The following BEGAIN variants were observed in gnomAD, a reference collection of about 807,000 sequenced individuals.
The protein encoded by BEGAIN is brain enriched guanylate kinase associated, also known as brain-enriched guanylate kinase-associated protein.
Under a neutral mutation model 35.8 loss-of-function variants are expected in BEGAIN, and 19 were observed. The observed-to-expected ratio is 0.53, with a 90% CI of 0.37 to 0.78. BEGAIN has a LOEUF of 0.78. Among genes scored for constraint, BEGAIN ranks in the 30% least tolerant of loss-of-function variants. The pLI is 0.00. For missense variants in BEGAIN, 795 were observed against 853.6 expected (o/e 0.93, Z 0.85); for synonymous variants, 462 against 388.6 (o/e 1.19, Z -2.22).
At position 100,543,905 on chromosome 14, in the gene BEGAIN, G is replaced by A. The variant is rs750631815; in HGVS notation, c.361C>T (p.His121Tyr). ...ATGGTCACCTTGGCTTCTAGCAGATGGCTGTTGAGGGCAACAATCTCGTGG... is the reference window on the plus strand; with the variant it reads ...ATGGTCACCTTGGCTTCTAGCAGATAGCTGTTGAGGGCAACAATCTCGTGG... ...LSHEIVALNS[H>Y]LLEAKVTIDK... The change falls in exon 5 of 7, where the codon CAT (histidine) becomes TAT (tyrosine). Residue 121 changes from histidine (H) to tyrosine (Y), a missense_variant. Physicochemically the swap from His to Tyr is moderately conservative, Grantham distance 83. Around this residue, in one of 3 missense-constraint regions of BEGAIN, gnomAD observed 73 missense variants for 143.2 expected, o/e 0.51. Coordinates refer to ENST00000554140, the MANE Select transcript of BEGAIN (RefSeq NM_001385089.1). 4 of 1,613,672 alleles carry A rather than the reference G, an allele frequency of 2.5e-6. No individual in the cohort carries two copies. Among genetic ancestry groups the A allele is most frequent in the Non-Finnish European group, 3.4e-6 (4 of 1,179,894 alleles).
intron 2 of BEGAIN, among the ~76,000 whole-genome samples, chr14:100,555,193 G>A (rs1381307027): frequency 1.3e-5 from 2 of 152,240 alleles, no homozygotes; most frequent in Non-Finnish European, 2.9e-5. Flanking sequence ...CCCCCCGCCA[G>A]GGCCGTCTGG....
At chr14:100,547,735 G>A (rs1211481803) in intron 2 of BEGAIN, 3 of 152,354 alleles carry the variant, frequency 2.0e-5, no homozygotes, top group Non-Finnish European at 4.4e-5. Context: ...TGTCATGAAG[G>A]AAACTTGAGG....
At chr14:100,549,123 TC>T (rs2032905091) in intron 2 of BEGAIN, 1 of 152,226 alleles carries the variant, frequency 6.6e-6, no homozygotes, top group Non-Finnish European at 1.5e-5. Context: ...GCCACGTCTT[TC>T]CCCACCTCTG....
In BEGAIN at chr14:100,553,689, GT is replaced by G. The variant is rs572301559; in HGVS notation, c.72-7028del. Reference sequence around the variant, plus strand: ...GCTCAGATGCCACCTCTTCCAGGAAGTCTTTCTCGGTTCCCCCTGCTGAAGG... The same window carrying G: ...GCTCAGATGCCACCTCTTCCAGGAAGCTTTCTCGGTTCCCCCTGCTGAAGG... On this transcript the variant is annotated intron_variant, in intron 2 of 6. Coordinates refer to ENST00000554140, the MANE Select transcript of BEGAIN (RefSeq NM_001385089.1). Among the ~76,000 whole-genome samples, 44 of 152,248 alleles carry G rather than the reference GT, an allele frequency of 2.9e-4. No individual in the cohort carries two copies. The East Asian group carries it at 4.6e-3, about 16-fold the overall frequency.
chr14:100,551,168 C>T (rs2033156506), intron 2 of BEGAIN, among the ~76,000 whole-genome samples: 1 of 152,216 alleles, frequency 6.6e-6, no homozygotes, highest in African/African-American at 2.4e-5. Context: ...CCCCTGCTCC[C>T]CTGCCCCTGC....
chr14:100,556,599 G>A (rs998258283), intron 2 of BEGAIN, among the ~76,000 whole-genome samples: 3 of 152,216 alleles, frequency 2.0e-5, no homozygotes, highest in Non-Finnish European at 4.4e-5. Context: ...CCCTGGGTCA[G>A]GAGCCCTCTT....
At chr14:100,566,441 C>A (rs1394664377) in intron 2 of BEGAIN, among the ~76,000 whole-genome samples, 1 of 152,226 alleles carries the variant, frequency 6.6e-6, no homozygotes, top group East Asian at 1.9e-4. Flanking sequence ...CAGGGAACCC[C>A]CAGGCTGGCC....
At chr14:100,580,318 A>G (rs2035289190) in intron 1 of BEGAIN, among the ~76,000 whole-genome samples, 2 of 152,076 alleles carry the variant, frequency 1.3e-5, no homozygotes, top group Admixed American at 6.5e-5. Context: ...TAAACACATA[A>G]ATAAAGAAAA....
chr14:100,580,595 G>T (rs970676381), intron 1 of BEGAIN, among the ~76,000 whole-genome samples: 1 of 152,018 alleles, frequency 6.6e-6, no homozygotes, highest in Non-Finnish European at 1.5e-5. Flanking sequence ...GACCTTCAGG[G>T]TCCCAGTTTC....
Position 100,538,311 on chromosome 14 carries a change from G to A in BEGAIN, c.1497C>T (p.Asp499=). The A allele has an allele frequency of 3.3e-6, 5 of 1,526,128 alleles. No individual in the cohort carries two copies. Among genetic ancestry groups the A allele is most frequent in the Non-Finnish European group, 4.4e-6 (5 of 1,144,826 alleles). 94.5% of individuals were successfully genotyped at this position (1,526,128 alleles called of 1,614,324 possible). A position where few individuals can be genotyped will look rare whatever the true frequency, so the allele number is the denominator to read the frequency against. ...SYKADSFSEG[D]DLSQGHLAEP... ...CTGCCAGGTGGCCCTGGGAGAGGTC[G>A]TCCCCCTCGGAGAAGCTGTCGGCCT... The change falls in exon 7 of 7, where the codon GAC becomes GAT. Residue 499 remains aspartate, a synonymous_variant. Transcript: ENST00000554140.
rs2035119473 is a variant in BEGAIN, at chr14:100,573,049, T to A, written c.43-5110A>T. Among the ~76,000 whole-genome samples, 1 of 151,414 alleles carries A rather than the reference T, an allele frequency of 6.6e-6. No homozygotes were observed. Among genetic ancestry groups the A allele is most frequent in the Admixed American group, 6.6e-5 (1 of 15,206 alleles). Reference sequence around the variant, plus strand: ...CCTGTATGTCCGACGGGGATATGTGTACAGAGAAGGATGGGAGGCAGGGTG... The same window carrying A: ...CCTGTATGTCCGACGGGGATATGTGAACAGAGAAGGATGGGAGGCAGGGTG... On this transcript the variant is annotated intron_variant, in intron 1 of 6. Transcript: ENST00000554140. The surrounding 1 kb of genome is among the most constrained non-coding windows in gnomAD (Gnocchi z 4.2).
intron 3 of BEGAIN, chr14:100,545,403 T>A: frequency 8.8e-7 from 1 of 1,140,366 alleles, no homozygotes; most frequent in Non-Finnish European, 1.1e-6. Context: ...GACCCACAAT[T>A]CTTACAAACC....
At chr14:100,542,799 C>G (rs1212266544) in intron 5 of BEGAIN, among the ~76,000 whole-genome samples, 1 of 152,250 alleles carries the variant, frequency 6.6e-6, no homozygotes, top group Non-Finnish European at 1.5e-5. Flanking sequence ...CTCCTGTCCT[C>G]GTCCCTACAG....
At position 100,540,308 on chromosome 14, in the gene BEGAIN, C is replaced by T. The variant is rs548013156; in HGVS notation, c.492+188G>A. ...GTGAGGGCCAGGGGCTGCCCGGCTG[C>T]GTGAGGTGGGGTGCCTTTGGCGGCC... is the stretch of plus-strand genomic sequence containing the variant. On this transcript the variant is annotated intron_variant, in intron 6 of 6. Transcript: ENST00000554140. The T allele has an allele frequency of 3.2e-5, 19 of 594,888 alleles. No individual in the cohort carries two copies. In the South Asian group the frequency reaches 3.4e-4, roughly 11 times the overall value. The allele number at this position is 594,888 out of a possible 1,614,324, so 36.9% of individuals were successfully genotyped here.
intron 2 of BEGAIN, among the ~76,000 whole-genome samples, chr14:100,561,523 A>G (rs1382685916): frequency 6.6e-6 from 1 of 152,064 alleles, no homozygotes; most frequent in East Asian, 1.9e-4. Flanking sequence ...CCGAGGCAGG[A>G]GGATCACTTG....
intron 1 of BEGAIN, among the ~76,000 whole-genome samples, chr14:100,583,015 C>T (rs1215673243): frequency 6.6e-6 from 1 of 150,636 alleles, no homozygotes; most frequent in Non-Finnish European, 1.5e-5. Context: ...CTTCACCATC[C>T]ACCCCTGTGA....
At chr14:100,552,465 A>G (rs138676998) in intron 2 of BEGAIN, among the ~76,000 whole-genome samples, 15 of 152,366 alleles carry the variant, frequency 9.8e-5, no homozygotes, top group African/African-American at 3.4e-4. Flanking sequence ...CAAGATCACA[A>G]AGCAAGCCTC....
At position 100,573,921 on chromosome 14, in the gene BEGAIN, C is replaced by G. The variant is rs536145985; in HGVS notation, c.43-5982G>C. On this transcript the variant is annotated intron_variant, in intron 1 of 6. Coordinates refer to ENST00000554140, the MANE Select transcript of BEGAIN (RefSeq NM_001385089.1). The surrounding 1 kb of genome is among the most constrained non-coding windows in gnomAD (Gnocchi z 4.2). ...TTGGGGATCAGGAGGTGAGCAGGAC[C>G]GGCCAAGGAGACTGGGAAAGGGTGG... Among the ~76,000 whole-genome samples the G allele has an allele frequency of 2.1e-5, 3 of 142,562 alleles. 1 individual carries two copies. In the South Asian group the frequency reaches 7.5e-4, roughly 36 times the overall value. 93.5% of individuals were successfully genotyped at this position (142,562 alleles called of 152,430 possible). A position where few individuals can be genotyped will look rare whatever the true frequency, so the allele number is the denominator to read the frequency against.
chr14:100,570,852 G>A (rs936519605), intron 1 of BEGAIN, among the ~76,000 whole-genome samples: 10 of 152,210 alleles, frequency 6.6e-5, no homozygotes, highest in Non-Finnish European at 1.2e-4. Context: ...GTGAGGAAAC[G>A]GAGGCCAGCG....
Sources: allele counts gnomAD v4.1 joint callset (sites outside exome capture counted in the v4.1 genomes callset), GRCh38; gene constraint gnomAD v4.1.1; regional missense constraint gnomAD v4.1.1; non-coding constraint Gnocchi (gnomAD v3.1); transcripts MANE v1.5; gene names NCBI Gene and HGNC (gene_info 2026-07-23, HGNC 2026-07-21).